JHY: variants seen among roughly 807,000 people sequenced by gnomAD.
JHY encodes junctional cadherin complex regulator, also known as jhy protein homolog.
Under a neutral mutation model 78.0 loss-of-function variants are expected in JHY, and 69 were observed. That is an observed-to-expected ratio of 0.88 (90% CI 0.73 to 1.08). The LOEUF (loss-of-function observed/expected upper bound fraction) is 1.08. Ranked by LOEUF, JHY falls within the 50% of genes least tolerant of loss-of-function variation. The pLI is 0.00. For missense variants in JHY, 944 were observed against 927.8 expected (o/e 1.02, Z -0.23); for synonymous variants, 368 against 342.6 (o/e 1.07, Z -0.82).
At chr11:122,900,025 C>A (rs534236733) in intron 2 of JHY, among the ~76,000 whole-genome samples, 14 of 152,180 alleles carry the variant, frequency 9.2e-5, no homozygotes, top group Non-Finnish European at 1.8e-4. Context: ...GAAACCTCCC[C>A]GTCAAAGCCC....
intron 3 of JHY, among the ~76,000 whole-genome samples, chr11:122,921,033 C>T (rs989453463): frequency 1.4e-4 from 20 of 139,998 alleles, no homozygotes; most frequent in African/African-American, 5.1e-4. Flanking sequence ...TAGAATGGTT[C>T]ACAAAAAAAA....
At position 122,962,418 on chromosome 11, in the gene JHY, G is replaced by C. The variant is rs1392599332; in HGVS notation, c.*2973G>C. ...GCAGTTAGAATTGAGAGTCTGCAAA[G>C]ATAACAAGTATCTGAAGATAAACAG... On this transcript the variant is annotated 3_prime_UTR_variant, in exon 9 of 9. Transcript: ENST00000227349. Among the ~76,000 whole-genome samples, 1 of 152,178 alleles carries C rather than the reference G, an allele frequency of 6.6e-6. No individual in the cohort carries two copies. The highest frequency in any genetic ancestry group is 1.5e-5 in the Non-Finnish European group (1 of 68,018).
chr11:122,922,727 G>A (rs1439652525), intron 3 of JHY, among the ~76,000 whole-genome samples: 17 of 149,298 alleles, frequency 1.1e-4, no homozygotes, highest in African/African-American at 4.0e-4. Context: ...GGAGAATGGC[G>A]TGAACCCGGG....
Position 122,883,918 on chromosome 11 carries a change from C to T in JHY, c.-90+946C>T, listed in dbSNP as rs1000545131. On this transcript the variant is annotated intron_variant, in intron 1 of 8. Transcript: ENST00000227349. This position sits in a 1 kb window ranked among gnomAD's most constrained non-coding sequence, Gnocchi z 4.4. ...AGTAATTCTAAGTTGCACTATAACG[C>T]TTAAGCTTGCTCTTCAGGATCTCAA... Among the ~76,000 whole-genome samples the T allele has an allele frequency of 6.6e-6, 1 of 152,198 alleles. No individual in the cohort carries two copies. Among genetic ancestry groups the T allele is most frequent in the Admixed American group, 6.5e-5 (1 of 15,284 alleles).
chr11:122,903,903 A>G (rs1862916893), intron 2 of JHY, 22 bp from the exon 3 acceptor site: 2 of 1,537,094 alleles, frequency 1.3e-6, no homozygotes, highest in Non-Finnish European at 8.7e-7. Context: ...AGGACTTGGC[A>G]TTTCTCTTCT....
At chr11:122,911,905 CAAAAAAAAAAAAAAAAAA>C (rs59941995) in intron 3 of JHY, among the ~76,000 whole-genome samples, 4 of 49,724 alleles carry the variant, frequency 8.0e-5, no homozygotes, top group African/African-American at 1.6e-4. Context: ...AACTCTGTCT[CAAAAAAAAAAAAAAAAAA>C]AAAAAAAAAA....
intron 2 of JHY, among the ~76,000 whole-genome samples, chr11:122,901,197 T>TGCATCTAA: frequency 6.6e-6 from 1 of 152,268 alleles, no homozygotes; most frequent in South Asian, 2.1e-4. Flanking sequence ...ATAGAAAAGG[T>TGCATCTAA]ACAGTAAAAA....
At chr11:122,909,052 GT>G (rs1415399030) in intron 3 of JHY, among the ~76,000 whole-genome samples, 1 of 152,008 alleles carries the variant, frequency 6.6e-6, no homozygotes, top group Non-Finnish European at 1.5e-5. Context: ...TATACTTTTT[GT>G]GTATTTTTCC....
intron 4 of JHY, among the ~76,000 whole-genome samples, chr11:122,930,729 A>G (rs1041697984): frequency 1.3e-5 from 2 of 152,160 alleles, no homozygotes; most frequent in Non-Finnish European, 2.9e-5. Context: ...AATCCTGCTT[A>G]GGTTGTGTGC....
intron 3 of JHY, among the ~76,000 whole-genome samples, chr11:122,918,414 T>C (rs1426417161): frequency 6.6e-6 from 1 of 151,302 alleles, no homozygotes; most frequent in East Asian, 1.9e-4. Context: ...CTGCTAAGGA[T>C]TGCTGAGGTG....
chr11:122,945,642 G>A (rs1863947845), intron 5 of JHY, among the ~76,000 whole-genome samples: 1 of 152,168 alleles, frequency 6.6e-6, no homozygotes, highest in South Asian at 2.1e-4. Flanking sequence ...TATTTCTCTA[G>A]AGAAGTTTTG....
chr11:122,934,389 A>G, intron 4 of JHY, 31 bp from the exon 5 acceptor site: 3 of 1,385,952 alleles, frequency 2.2e-6, no homozygotes, highest in Non-Finnish European at 2.9e-6. Context: ...CCAGTCTTCT[A>G]ATTTTACATT....
chr11:122,893,249 T>C (rs1283785973), intron 2 of JHY, among the ~76,000 whole-genome samples: 1 of 152,182 alleles, frequency 6.6e-6, no homozygotes, highest in African/African-American at 2.4e-5. Flanking sequence ...CATTTCTGTT[T>C]TCTGTTCATT....
Position 122,935,817 on chromosome 11 carries a change from A to G in JHY, c.1634+742A>G, listed in dbSNP as rs960527436. 2.6e-4 allele frequency among the ~76,000 whole-genome samples: 39 copies of G among 152,232 alleles called. No individual in the cohort carries two copies. The highest frequency in any genetic ancestry group is 8.4e-4 in the African/African-American group (35 of 41,464). On this transcript the variant is annotated intron_variant, in intron 5 of 8. Coordinates refer to ENST00000227349, the MANE Select transcript of JHY (RefSeq NM_024806.4). This position sits in a 1 kb window ranked among gnomAD's most constrained non-coding sequence, Gnocchi z 4.5. ...ATCCAACAATAGGGAATGTTTAGGT[A>G]AATTATGATATTTAGTATCATGGAA...
At chr11:122,887,580 C>T (rs1862522497) in intron 2 of JHY, among the ~76,000 whole-genome samples, 1 of 151,800 alleles carries the variant, frequency 6.6e-6, no homozygotes, top group Admixed American at 6.6e-5. Flanking sequence ...CTTGGACTCC[C>T]AAAGTGTTGG....
At chr11:122,948,062 G>A (rs565330481) in intron 6 of JHY, among the ~76,000 whole-genome samples, 1 of 152,152 alleles carries the variant, frequency 6.6e-6, no homozygotes, top group African/African-American at 2.4e-5. Context: ...CTGGAGAAAT[G>A]AGTGCCTCAG....
chr11:122,942,083 G>T (rs879421106), intron 5 of JHY, among the ~76,000 whole-genome samples: 3 of 152,024 alleles, frequency 2.0e-5, no homozygotes, highest in Non-Finnish European at 4.4e-5. Flanking sequence ...TGTTGGTTAG[G>T]CTGGTCTCGA....
chr11:122,931,730 G>A (rs1863640816), intron 4 of JHY, among the ~76,000 whole-genome samples: 1 of 152,292 alleles, frequency 6.6e-6, no homozygotes, highest in African/African-American at 2.4e-5. Context: ...TGTTGAAACA[G>A]ATGAACTTTC....
At chr11:122,948,468 A>AATAATAATAATAATCATAATC (rs1288489788) in intron 6 of JHY, among the ~76,000 whole-genome samples, 2 of 148,376 alleles carry the variant, frequency 1.3e-5, no homozygotes, top group African/African-American at 5.0e-5. Flanking sequence ...TAATAATAAT[A>AATAATAATAATAATCATAATC]ATAATAATAA....
Sources: gnomAD v4.1 joint callset for allele counts (sites outside exome capture counted in the v4.1 genomes callset) on GRCh38, gnomAD v4.1.1 for gene constraint, Gnocchi (gnomAD v3.1) non-coding constraint, MANE v1.5 for transcripts, NCBI Gene and HGNC (gene_info 2026-07-23, HGNC 2026-07-21) for gene names.